B3GLCT: variants seen among roughly 807,000 people sequenced by gnomAD.
B3GLCT encodes the protein beta 3-glucosyltransferase.
In B3GLCT, 65 loss-of-function variants were observed where a neutral mutation model predicts 63.4. The ratio of observed to expected loss-of-function variants is 1.03; its 90% CI spans 0.84 to 1.26. The LOEUF is 1.26. B3GLCT is among the 50% of genes most tolerant of loss of function. B3GLCT has a pLI of 0.00. For synonymous variants in B3GLCT, 233 were observed against 219.2 expected (o/e 1.06, Z -0.55); for missense variants, 577 against 604.8 (o/e 0.95, Z 0.48).
chr13:31,317,731 C>T, intron 13 of B3GLCT, 46 bp downstream of exon 13: 1 of 1,612,042 alleles, frequency 6.2e-7, no homozygotes, highest in Non-Finnish European at 8.5e-7. Flanking sequence ...ACATAAACTT[C>T]CCTTTCCACA....
At chr13:31,259,592 C>G (rs567591408) in intron 6 of B3GLCT, among the ~76,000 whole-genome samples, 4 of 151,782 alleles carry the variant, frequency 2.6e-5, no homozygotes, top group South Asian at 4.2e-4. Flanking sequence ...GGGAAACTTG[C>G]ATGCGGCATC....
intron 6 of B3GLCT, among the ~76,000 whole-genome samples, chr13:31,256,321 C>T (rs1398343075): frequency 1.3e-5 from 2 of 152,200 alleles, no homozygotes; most frequent in African/African-American, 2.4e-5. Flanking sequence ...TGCTTTTACA[C>T]TGTTGGTGGG....
intron 4 of B3GLCT, among the ~76,000 whole-genome samples, chr13:31,237,938 T>C (rs1172240340): frequency 2.0e-5 from 3 of 152,200 alleles, no homozygotes; most frequent in Non-Finnish European, 4.4e-5. Flanking sequence ...TTGCCCACCA[T>C]GAACATTCGT....
intron 2 of B3GLCT, among the ~76,000 whole-genome samples, chr13:31,217,855 A>T (rs2137750798): frequency 6.6e-6 from 1 of 152,342 alleles, no homozygotes; most frequent in Non-Finnish European, 1.5e-5. Flanking sequence ...GTTTGAAGTC[A>T]GGTAATATGA....
chr13:31,216,766 G>T (rs1352245627), intron 2 of B3GLCT, among the ~76,000 whole-genome samples: 1 of 152,198 alleles, frequency 6.6e-6, no homozygotes, highest in African/African-American at 2.4e-5. Flanking sequence ...CCATGTTGCT[G>T]CAAAGGCCAT....
At chr13:31,212,152 G>A (rs1244187298) in intron 1 of B3GLCT, among the ~76,000 whole-genome samples, 6 of 151,472 alleles carry the variant, frequency 4.0e-5, no homozygotes, top group East Asian at 1.9e-4. Flanking sequence ...TGTCCAGGCT[G>A]GAATATAGTG....
chr13:31,200,136 C>G lies in B3GLCT; in HGVS notation c.52C>G (p.Leu18Val), dbSNP rs1239866400. Residue 18 changes from leucine to valine, a missense_variant, in exon 1 of 15, where the codon CTC (leucine) becomes GTC (valine). By Grantham distance (32) the Leu-to-Val change is conservative. Coordinates refer to ENST00000343307, the MANE Select transcript of B3GLCT (RefSeq NM_194318.4). ...GCTCGCGCCGCCGGCGCTGCTCGCG[C>G]TCCTCACCTGCTCCCTGGGTAAGTA... ...WLLAPPALLALLTCSLAFGLA... is the reference protein window; with the variant it reads ...WLLAPPALLAVLTCSLAFGLA... The G allele has an allele frequency of 1.1e-5, 15 of 1,368,030 alleles. No individual in the cohort carries two copies. Among genetic ancestry groups the G allele is most frequent in the Non-Finnish European group, 1.4e-5 (15 of 1,050,566 alleles). The allele number at this position is 1,368,030 out of a possible 1,614,324, so 84.7% of individuals were successfully genotyped here. A position where few individuals can be genotyped will look rare whatever the true frequency, so the allele number is the denominator to read the frequency against.
chr13:31,252,932 CTT>C (rs1324115047), intron 6 of B3GLCT, among the ~76,000 whole-genome samples: 10 of 152,210 alleles, frequency 6.6e-5, no homozygotes, highest in Admixed American at 6.5e-4. Context: ...ACACATCACT[CTT>C]ATTCTAAAAT....
In B3GLCT at chr13:31,261,051, G is replaced by A. The variant is rs1263471657; in HGVS notation, c.565G>A (p.Gly189Ser). 1 of 1,613,898 alleles carries A rather than the reference G, an allele frequency of 6.2e-7. No individual in the cohort carries two copies. Among genetic ancestry groups the A allele is most frequent in the Non-Finnish European group, 8.5e-7 (1 of 1,179,966 alleles). Residue 189 changes from glycine (G) to serine (S), a missense_variant, in exon 7 of 15, where the codon GGC becomes AGC. Physicochemically the swap from Gly to Ser is moderately conservative, Grantham distance 56. Coordinates refer to ENST00000343307, the MANE Select transcript of B3GLCT (RefSeq NM_194318.4). ...TVFKYPDFAA[G>S]WALSIPLVNK... Reference sequence around the variant, plus strand: ...TTTTAAGTATCCAGACTTTGCTGCAGGCTGGGCCTTAAGTATTCCACTTGT... The same window carrying A: ...TTTTAAGTATCCAGACTTTGCTGCAAGCTGGGCCTTAAGTATTCCACTTGT...
intron 8 of B3GLCT, among the ~76,000 whole-genome samples, chr13:31,269,516 T>TA (rs1191299322): frequency 6.6e-6 from 1 of 152,182 alleles, no homozygotes; most frequent in Non-Finnish European, 1.5e-5. Flanking sequence ...TCTTTACTTT[T>TA]AAGCTAGATG....
intron 12 of B3GLCT, among the ~76,000 whole-genome samples, chr13:31,316,174 T>A (rs1159470270): frequency 6.6e-6 from 1 of 151,694 alleles, no homozygotes; most frequent in Non-Finnish European, 1.5e-5. Flanking sequence ...CACTGCCTAG[T>A]GGAGCACTCA....
intron 4 of B3GLCT, among the ~76,000 whole-genome samples, chr13:31,235,759 A>G (rs1390449059): frequency 6.6e-6 from 1 of 152,200 alleles, no homozygotes; most frequent in African/African-American, 2.4e-5. Context: ...ATGTTGTGTA[A>G]CAGATCTCCA....
chr13:31,217,418 T>C (rs751560757), intron 2 of B3GLCT, among the ~76,000 whole-genome samples: 1 of 152,240 alleles, frequency 6.6e-6, no homozygotes, highest in Non-Finnish European at 1.5e-5. Context: ...TGTTGATAAT[T>C]TCTTTTGCTG....
At chr13:31,230,369 C>G (rs1870315720) in intron 4 of B3GLCT, among the ~76,000 whole-genome samples, 1 of 152,154 alleles carries the variant, frequency 6.6e-6, no homozygotes, top group African/African-American at 2.4e-5. Context: ...AATGCTATCC[C>G]TTTGTTCTCC....
At chr13:31,244,290 G>A (rs1203757351) in intron 4 of B3GLCT, among the ~76,000 whole-genome samples, 1 of 152,232 alleles carries the variant, frequency 6.6e-6, no homozygotes, top group East Asian at 1.9e-4. Flanking sequence ...TCAGGAGTTC[G>A]AGACCAGCCT....
rs1165467525 is a variant in B3GLCT, at chr13:31,199,989, C to CGCGGCGGCAGGGCG, written c.-85_-72dup. 26 of 715,556 alleles carry CGCGGCGGCAGGGCG rather than the reference C, an allele frequency of 3.6e-5. No individual in the cohort carries two copies. In the East Asian group the frequency reaches 6.8e-4, roughly 19 times the overall value. 44.3% of individuals were successfully genotyped at this position (715,556 alleles called of 1,614,324 possible). A position where few individuals can be genotyped will look rare whatever the true frequency, so the allele number is the denominator to read the frequency against. Reference sequence around the variant, plus strand: ...GGGGAGCCGGCAGAGAAGGGTCAGCCGCGGCGGCAGGGCGGCGGCGGCAGC... The same window carrying CGCGGCGGCAGGGCG: ...GGGGAGCCGGCAGAGAAGGGTCAGCCGCGGCGGCAGGGCGGCGGCGGCAGGGCGGCGGCGGCAGC... On this transcript the variant is annotated 5_prime_UTR_variant, in exon 1 of 15. Coordinates refer to ENST00000343307, the MANE Select transcript of B3GLCT (RefSeq NM_194318.4).
intron 6 of B3GLCT, among the ~76,000 whole-genome samples, chr13:31,250,876 C>T (rs902717117): frequency 6.6e-6 from 1 of 152,204 alleles, no homozygotes; most frequent in African/African-American, 2.4e-5. Context: ...GGGACAGCCT[C>T]CCTCCTGAAG....
intron 12 of B3GLCT, among the ~76,000 whole-genome samples, chr13:31,299,854 A>T (rs765308094): frequency 6.6e-6 from 1 of 152,146 alleles, no homozygotes; most frequent in Non-Finnish European, 1.5e-5. Flanking sequence ...CATGCTTCAT[A>T]TGGGCATCCT....
intron 6 of B3GLCT, among the ~76,000 whole-genome samples, chr13:31,254,789 C>A (rs566997104): frequency 6.6e-6 from 1 of 152,164 alleles, no homozygotes; most frequent in African/African-American, 2.4e-5. Context: ...CAGGGACTCA[C>A]ACCTGTAATC....
Sources: gnomAD v4.1 joint callset for allele counts (sites outside exome capture counted in the v4.1 genomes callset) on GRCh38, gnomAD v4.1.1 for gene constraint, MANE v1.5 for transcripts, NCBI Gene and HGNC (gene_info 2026-07-23, HGNC 2026-07-21) for gene names.